Variants in C2CD3 observed in about 807,000 individuals in gnomAD.
C2CD3 encodes C2 domain containing 3 centriole elongation regulator.
A neutral mutation model predicts 234.0 loss-of-function variants in C2CD3; 148 were observed. The observed-to-expected ratio is 0.63, with a 90% CI of 0.55 to 0.72. The LOEUF is 0.72. C2CD3 is among the 30% of genes least tolerant of loss of function. The pLI is 0.00. For missense variants in C2CD3, 2,577 were observed against 2,811.5 expected (o/e 0.92, Z 1.89); for synonymous variants, 1,000 against 1,035.4 (o/e 0.97, Z 0.66).
At chr11:74,075,899 C>T (rs977500434) in intron 23 of C2CD3, among the ~76,000 whole-genome samples, 4 of 152,284 alleles carry the variant, frequency 2.6e-5, no homozygotes, top group East Asian at 1.9e-4. Flanking sequence ...GTATAAGACC[C>T]TTGCACAAGA....
At chr11:74,163,788 T>C (rs1856628826) in intron 2 of C2CD3, among the ~76,000 whole-genome samples, 1 of 152,108 alleles carries the variant, frequency 6.6e-6, no homozygotes, top group South Asian at 2.1e-4. Flanking sequence ...CTCATGGGGG[T>C]TATCTGAAAG....
At position 74,098,167 on chromosome 11, in the gene C2CD3, C is replaced by T. The variant is rs1956179740; in HGVS notation, c.2821G>A (p.Gly941Ser). 6.2e-7 allele frequency: 1 copy of T among 1,613,908 alleles called. No homozygotes were observed. Among genetic ancestry groups the T allele is most frequent in the Admixed American group, 1.7e-5 (1 of 59,978 alleles). Residue 941 changes from glycine (G) to serine (S), a missense_variant, in exon 16 of 33, where the codon GGC becomes AGC. Transcript: ENST00000334126. ...ACTCGAAGACTCCCATTTTGGTGGC[C>T]TGAAAACACATCAATCACAGGCATG... The part of the protein sequence containing the change: ...SYMPVIDVFS[G>S]HQNGSLRVFL...
intron 7 of C2CD3, among the ~76,000 whole-genome samples, chr11:74,131,490 C>T (rs940232342): frequency 1.3e-5 from 2 of 151,910 alleles, no homozygotes; most frequent in East Asian, 1.9e-4. Context: ...TTGCTGGGTT[C>T]GGTTTGCAAG....
At chr11:74,138,267 A>G in intron 5 of C2CD3, among the ~76,000 whole-genome samples, 1 of 152,170 alleles carries the variant, frequency 6.6e-6, no homozygotes, top group East Asian at 1.9e-4. Flanking sequence ...TCATTATTTA[A>G]TTCCCAGGAT....
intron 14 of C2CD3, among the ~76,000 whole-genome samples, chr11:74,101,625 C>T (rs750807695): frequency 3.3e-5 from 5 of 152,156 alleles, no homozygotes; most frequent in Admixed American, 2.0e-4. Context: ...GACAAAGTAA[C>T]CTTAAATCTC....
chr11:74,111,019 A>G (rs1249984302), intron 11 of C2CD3, among the ~76,000 whole-genome samples: 2 of 152,106 alleles, frequency 1.3e-5, no homozygotes, highest in African/African-American at 4.8e-5. Flanking sequence ...GAGAAGATCA[A>G]TCACTGTGGC....
Position 74,098,041 on chromosome 11 carries a change from G to A in C2CD3, c.2947C>T (p.Leu983=), listed in dbSNP as rs1415490858. Residue 983 remains leucine (L), a synonymous_variant, in exon 16 of 33, where the codon CTG becomes TTG. Coordinates refer to ENST00000334126, the MANE Select transcript of C2CD3 (RefSeq NM_001286577.2). ...PPFSPRPAHF[L]DQPTAASVAM... Reference sequence around the variant, plus strand: ...ACAGATGCTGCAGTTGGCTGGTCCAGGAAATGGGCTGGCCTAGGGCTGAAG... The same window carrying A: ...ACAGATGCTGCAGTTGGCTGGTCCAAGAAATGGGCTGGCCTAGGGCTGAAG... 3 of 1,614,092 alleles carry A rather than the reference G, an allele frequency of 1.9e-6. No individual in the cohort carries two copies. Among genetic ancestry groups the A allele is most frequent in the Non-Finnish European group, 2.5e-6 (3 of 1,179,938 alleles).
chr11:74,062,453 A>G (rs1176498727), intron 24 of C2CD3, among the ~76,000 whole-genome samples: 3 of 152,240 alleles, frequency 2.0e-5, no homozygotes, highest in African/African-American at 4.8e-5. Flanking sequence ...TCAAACTAGA[A>G]CTCAGGATTA....
chr11:74,057,628 G>T, intron 24 of C2CD3, 84 bp from the exon 25 acceptor site: 1 of 1,401,850 alleles, frequency 7.1e-7, no homozygotes, highest in Non-Finnish European at 1.0e-6. Context: ...GACTATTCCT[G>T]GCCCTCTTCT....
intron 3 of C2CD3, among the ~76,000 whole-genome samples, chr11:74,147,603 A>G (rs982049789): frequency 1.3e-5 from 2 of 152,230 alleles, no homozygotes. Flanking sequence ...TCCCAGCCTC[A>G]GATCACTAGC....
rs1337079377 is a variant in C2CD3, at chr11:74,037,537, C to T, written c.5822G>A (p.Ser1941Asn). The T allele has an allele frequency of 6.2e-7, 1 of 1,614,106 alleles. No homozygotes were observed. Among genetic ancestry groups the T allele is most frequent in the Admixed American group, 1.7e-5 (1 of 60,018 alleles). Residue 1941 changes from serine (S) to asparagine (N), a missense_variant, in exon 30 of 33, where the codon AGC becomes AAC. Coordinates refer to ENST00000334126, the MANE Select transcript of C2CD3 (RefSeq NM_001286577.2). ...ACTGGATTTCTCCAGGATACACTGG[C>T]TCCCAGGGTCTAGGCTGCTGGCACC... is the stretch of plus-strand genomic sequence containing the variant. ...GPGASSLDPGSQCILEKSSNL... is the reference protein window; with the variant it reads ...GPGASSLDPGNQCILEKSSNL...
chr11:74,069,370 A>G (rs1258867273), intron 24 of C2CD3, among the ~76,000 whole-genome samples: 1 of 152,252 alleles, frequency 6.6e-6, no homozygotes, highest in Non-Finnish European at 1.5e-5. Flanking sequence ...GAAGGCTGCT[A>G]TACCCCCCAC....
chr11:74,108,796 G>A (rs1026820673), intron 12 of C2CD3, among the ~76,000 whole-genome samples: 9 of 151,866 alleles, frequency 5.9e-5, no homozygotes, highest in African/African-American at 2.2e-4. Flanking sequence ...GAGTTGTGGT[G>A]ATTAAAATTG....
intron 18 of C2CD3, among the ~76,000 whole-genome samples, chr11:74,093,574 A>G (rs553244240): frequency 6.6e-6 from 1 of 152,208 alleles, no homozygotes; most frequent in Admixed American, 6.5e-5. Context: ...AAAATAAATA[A>G]AACTTTCACT....
chr11:74,112,347 A>C (rs1244944768), intron 11 of C2CD3, among the ~76,000 whole-genome samples: 1 of 152,168 alleles, frequency 6.6e-6, no homozygotes, highest in African/African-American at 2.4e-5. Context: ...CAGGAACATA[A>C]ATGTCTATTA....
At chr11:74,067,893 C>T (rs536194911) in intron 24 of C2CD3, among the ~76,000 whole-genome samples, 11 of 152,148 alleles carry the variant, frequency 7.2e-5, no homozygotes, top group African/African-American at 2.2e-4. Context: ...GGAAGGCAGG[C>T]GGGAAGCAGA....
Position 74,100,919 on chromosome 11 carries a change from G to A in C2CD3, c.2581-243C>T, listed in dbSNP as rs542482729. Among the ~76,000 whole-genome samples, 3 of 152,296 alleles carry A rather than the reference G, an allele frequency of 2.0e-5. No individual in the cohort carries two copies. In the East Asian group the frequency reaches 5.8e-4, roughly 29 times the overall value. ...CTCTGATGACAAAGCTCATACAGGT[G>A]GAGCTTTGAGGACACAGAGAAGGTT... On this transcript the variant is annotated intron_variant, in intron 14 of 32. Coordinates refer to ENST00000334126, the MANE Select transcript of C2CD3 (RefSeq NM_001286577.2).
chr11:74,140,823 T>C (rs1257390233), intron 3 of C2CD3, among the ~76,000 whole-genome samples: 1 of 152,098 alleles, frequency 6.6e-6, no homozygotes, highest in East Asian at 1.9e-4. Flanking sequence ...TGAAGAGGGG[T>C]GAGGAGGGAG....
intron 3 of C2CD3, among the ~76,000 whole-genome samples, chr11:74,143,037 AC>A (rs1271255261): frequency 1.3e-5 from 2 of 152,188 alleles, no homozygotes; most frequent in Non-Finnish European, 2.9e-5. Context: ...AAGGGAGTTA[AC>A]TTTTGCCTTT....
Sources: gnomAD v4.1 joint callset for allele counts (sites outside exome capture counted in the v4.1 genomes callset) on GRCh38, gnomAD v4.1.1 for gene constraint, MANE v1.5 for transcripts, NCBI Gene and HGNC (gene_info 2026-07-23, HGNC 2026-07-21) for gene names.